The following DYRK1A variants were observed in gnomAD, a reference collection of about 807,000 sequenced individuals.
DYRK1A encodes dual specificity tyrosine phosphorylation regulated kinase 1A, also known as dual specificity tyrosine-phosphorylation-regulated kinase 1A.
In DYRK1A, 9 loss-of-function variants were observed where a neutral mutation model predicts 79.7. That is an observed-to-expected ratio of 0.11 (90% CI 0.07 to 0.20). The LOEUF is 0.20. DYRK1A is among the 10% of genes least tolerant of loss of function. The pLI is 1.00. For missense variants in DYRK1A, 622 were observed against 956.0 expected (o/e 0.65, Z 4.61); for synonymous variants, 349 against 329.7 (o/e 1.06, Z -0.63).
chr21:37,479,797 T>G (rs1252995970), intron 4 of DYRK1A, among the ~76,000 whole-genome samples: 1 of 151,732 alleles, frequency 6.6e-6, no homozygotes, highest in Non-Finnish European at 1.5e-5. Context: ...CCAGCTAATT[T>G]TTTGTATTTT....
At chr21:37,436,969 G>A (rs1386972124) in intron 2 of DYRK1A, among the ~76,000 whole-genome samples, 1 of 152,142 alleles carries the variant, frequency 6.6e-6, no homozygotes, top group Non-Finnish European at 1.5e-5. Flanking sequence ...ATTGGGACTA[G>A]GAAAAGATTC....
At chr21:37,405,609 A>G (rs1182453672) in intron 1 of DYRK1A, among the ~76,000 whole-genome samples, 1 of 152,204 alleles carries the variant, frequency 6.6e-6, no homozygotes, top group Non-Finnish European at 1.5e-5. Flanking sequence ...GAAGCGTTAC[A>G]GATACAAAGA....
At chr21:37,470,382 G>T (rs1446902392) in intron 2 of DYRK1A, among the ~76,000 whole-genome samples, 2 of 152,114 alleles carry the variant, frequency 1.3e-5, no homozygotes, top group Non-Finnish European at 2.9e-5. Context: ...TTTAAACATA[G>T]TATATAACAG....
intron 1 of DYRK1A, among the ~76,000 whole-genome samples, chr21:37,397,832 C>T (rs1432366870): frequency 2.0e-5 from 3 of 152,002 alleles, no homozygotes; most frequent in Non-Finnish European, 4.4e-5. Flanking sequence ...CATCTGTGCC[C>T]CAATCGCCTT....
At chr21:37,406,876 A>G (rs2050157830) in intron 1 of DYRK1A, among the ~76,000 whole-genome samples, 1 of 148,624 alleles carries the variant, frequency 6.7e-6, no homozygotes, top group Non-Finnish European at 1.5e-5. Context: ...GAAAATTTTA[A>G]TATCCTAATT....
rs879641797 is a variant in DYRK1A at position 37,517,470 on chromosome 21, T to A, written c.*4939T>A. On this transcript the variant is annotated 3_prime_UTR_variant, in exon 12 of 12. Transcript: ENST00000647188. ...TTGCTACTTTGGGAATTTTTTTCTTTATTCTTGTAAAGTTTTGCTTCCATT... is the reference window on the plus strand; with the variant it reads ...TTGCTACTTTGGGAATTTTTTTCTTAATTCTTGTAAAGTTTTGCTTCCATT... 1 of 152,216 alleles carries A rather than the reference T, an allele frequency of 6.6e-6. No individual in the cohort carries two copies. The highest frequency in any genetic ancestry group is 6.5e-5 in the Admixed American group (1 of 15,276). 9.4% of individuals were successfully genotyped at this position (152,216 alleles called of 1,614,324 possible).
rs1442472232 is a variant in DYRK1A at position 37,505,267 on chromosome 21, A to T, written c.1213-16A>T. Reference sequence around the variant, plus strand: ...CCACCAAATTTAGAGAAAGCCTTTCATCTTCTCTCTTACAGGAGTACAAAC... The same window carrying T: ...CCACCAAATTTAGAGAAAGCCTTTCTTCTTCTCTCTTACAGGAGTACAAAC... On this transcript the variant is annotated splice_polypyrimidine_tract_variant and intron_variant, in intron 9 of 11. Coordinates refer to ENST00000647188, the MANE Select transcript of DYRK1A (RefSeq NM_001347721.2). 6.4e-7 allele frequency: 1 copy of T among 1,572,274 alleles called. No individual in the cohort carries two copies. The highest frequency in any genetic ancestry group is 8.6e-7 in the Non-Finnish European group (1 of 1,157,442).
rs1370304277 is a variant in DYRK1A, at chr21:37,392,776, G to A, written c.-77+25148G>A. Among the ~76,000 whole-genome samples the A allele has an allele frequency of 3.9e-5, 6 of 152,292 alleles. No individual in the cohort carries two copies. The East Asian group carries it at 7.7e-4, about 20-fold the overall frequency. On this transcript the variant is annotated intron_variant, in intron 1 of 11. Coordinates refer to ENST00000647188, the MANE Select transcript of DYRK1A (RefSeq NM_001347721.2). ...CAAAACACAGGTTAGGTAGTTTACA[G>A]AAAACAAAATAATTTCTTACAGTTC...
chr21:37,396,759 G>T lies in DYRK1A; in HGVS notation c.-76-23540G>T, dbSNP rs145917559. On this transcript the variant is annotated intron_variant, in intron 1 of 11. Transcript: ENST00000647188. ...GTGCAGAATTTTATCATCAAGTATG[G>T]TGAACACATTAGAATGTCCTCAACT... Among the ~76,000 whole-genome samples, 9 of 152,192 alleles carry T rather than the reference G, an allele frequency of 5.9e-5. No homozygotes were observed. In the East Asian group the frequency reaches 1.7e-3, roughly 29 times the overall value.
chr21:37,372,402 T>C (rs2049450389), intron 1 of DYRK1A, among the ~76,000 whole-genome samples: 1 of 151,398 alleles, frequency 6.6e-6, no homozygotes, highest in African/African-American at 2.4e-5. Flanking sequence ...TGAGCTGAGA[T>C]TGTGTCACTG....
chr21:37,441,964 T>G (rs1193537287), intron 2 of DYRK1A, among the ~76,000 whole-genome samples: 2 of 122,120 alleles, frequency 1.6e-5, no homozygotes, highest in Admixed American at 7.6e-5. Flanking sequence ...ATTTTGCTGT[T>G]TTTTTTTTTT....
At chr21:37,378,388 C>G (rs948323450) in intron 1 of DYRK1A, among the ~76,000 whole-genome samples, 1 of 152,086 alleles carries the variant, frequency 6.6e-6, no homozygotes, top group Non-Finnish European at 1.5e-5. Context: ...CAAAATCAGC[C>G]GGGTGTGGTG....
chr21:37,403,661 A>ATGTGTGTGTG (rs1385707900), intron 1 of DYRK1A, among the ~76,000 whole-genome samples: 4 of 113,342 alleles, frequency 3.5e-5, no homozygotes, highest in South Asian at 2.8e-4. Flanking sequence ...ATATATATAT[A>ATGTGTGTGTG]TATGTGTGTG....
chr21:37,416,284 T>A (rs2050336502), intron 1 of DYRK1A, among the ~76,000 whole-genome samples: 1 of 151,512 alleles, frequency 6.6e-6, no homozygotes, highest in East Asian at 1.9e-4. Flanking sequence ...TTTGGTGCAA[T>A]ATTATATTCT....
At chr21:37,450,544 C>A (rs1161156395) in intron 2 of DYRK1A, among the ~76,000 whole-genome samples, 2 of 152,144 alleles carry the variant, frequency 1.3e-5, no homozygotes, top group African/African-American at 4.8e-5. Context: ...TGTGCCAACA[C>A]AAAAGAATTA....
chr21:37,506,004 T>C (rs2148651307), intron 10 of DYRK1A, 95 bp from the exon 11 acceptor site: 1 of 1,385,468 alleles, frequency 7.2e-7, no homozygotes, highest in Admixed American at 2.2e-5. Context: ...TGTGTGTGAG[T>C]ACTTTCAGTT....
intron 1 of DYRK1A, among the ~76,000 whole-genome samples, chr21:37,405,457 A>G (rs749216226): frequency 6.6e-6 from 1 of 151,684 alleles, no homozygotes; most frequent in Non-Finnish European, 1.5e-5. Flanking sequence ...TCTATGCATG[A>G]CTCCTTCCGT....
chr21:37,493,265 C>G, intron 8 of DYRK1A, 102 bp downstream of exon 8: 1 of 1,167,482 alleles, frequency 8.6e-7, no homozygotes, highest in Non-Finnish European at 1.2e-6. Flanking sequence ...AAGATGTCTA[C>G]TTAATCATTC....
intron 3 of DYRK1A, among the ~76,000 whole-genome samples, chr21:37,477,495 T>TC (rs1382607376): frequency 4.6e-5 from 7 of 152,222 alleles, no homozygotes; most frequent in African/African-American, 1.7e-4. Context: ...CCCTGCTCTA[T>TC]CATCTGTTGT....
Sources: allele counts gnomAD v4.1 joint callset (sites outside exome capture counted in the v4.1 genomes callset), GRCh38; gene constraint gnomAD v4.1.1; transcripts MANE v1.5; gene names NCBI Gene and HGNC (gene_info 2026-07-23, HGNC 2026-07-21).